Variants in NELL2 observed in about 807,000 individuals in gnomAD.
NELL2 encodes protein kinase C-binding protein NELL2.
A neutral mutation model predicts 109.6 loss-of-function variants in NELL2; 41 were observed. The ratio of observed to expected loss-of-function variants is 0.37; its 90% confidence interval spans 0.29 to 0.49. The LOEUF (loss-of-function observed/expected upper bound fraction) is 0.49. NELL2 is among the 20% of genes least tolerant of loss of function. The pLI is 0.98. For missense variants in NELL2, 900 were observed against 1,008.3 expected (o/e 0.89, Z 1.45); for synonymous variants, 355 against 344.7 (o/e 1.03, Z -0.33).
chr12:44,650,621 C>G (rs1470837251), intron 13 of NELL2, among the ~76,000 whole-genome samples: 2 of 152,042 alleles, frequency 1.3e-5, no homozygotes, highest in Non-Finnish European at 2.9e-5. Flanking sequence ...TGTTGAAGCC[C>G]TAACCCCAAT....
chr12:44,533,531 C>G (rs1023861122), intron 15 of NELL2, among the ~76,000 whole-genome samples: 1 of 152,112 alleles, frequency 6.6e-6, no homozygotes, highest in African/African-American at 2.4e-5. Context: ...GCCTGACATT[C>G]AGGTGTGTGC....
chr12:44,582,052 T>C (rs1296166630), intron 15 of NELL2, among the ~76,000 whole-genome samples: 3 of 152,180 alleles, frequency 2.0e-5, no homozygotes, highest in Non-Finnish European at 2.9e-5. Context: ...GCTAATTACT[T>C]CCTTTCATTT....
intron 13 of NELL2, among the ~76,000 whole-genome samples, chr12:44,642,525 A>G (rs977158859): frequency 2.6e-5 from 4 of 152,236 alleles, no homozygotes; most frequent in African/African-American, 9.6e-5. Flanking sequence ...ACCCAAAAAC[A>G]TAAGTTTTGG....
At chr12:44,739,792 G>A (rs1488169644) in intron 9 of NELL2, among the ~76,000 whole-genome samples, 1 of 152,120 alleles carries the variant, frequency 6.6e-6, no homozygotes, top group East Asian at 1.9e-4. Flanking sequence ...TCAGGAGACT[G>A]AGGCAGGAGA....
At chr12:44,713,174 G>T (rs1280327951) in intron 10 of NELL2, among the ~76,000 whole-genome samples, 1 of 96,140 alleles carries the variant, frequency 1.0e-5, no homozygotes, top group Non-Finnish European at 2.2e-5. Context: ...AAAATGAATA[G>T]GATACACACA....
chr12:44,913,938 G>T (rs193135057), upstream of NELL2: 15 of 384,756 alleles, frequency 3.9e-5, no homozygotes, highest in Non-Finnish European at 7.0e-5. Flanking sequence ...TGATTGCTCA[G>T]GCCAAAAACC....
intron 12 of NELL2, among the ~76,000 whole-genome samples, chr12:44,699,629 A>T (rs1949167133): frequency 6.6e-6 from 1 of 152,046 alleles, no homozygotes; most frequent in Non-Finnish European, 1.5e-5. Flanking sequence ...TTTCCCTTAG[A>T]CAATATTCAA....
chr12:44,637,513 C>A (rs1946686448), intron 13 of NELL2, among the ~76,000 whole-genome samples: 1 of 133,690 alleles, frequency 7.5e-6, no homozygotes, highest in South Asian at 2.8e-4. Flanking sequence ...ATTTTGTGAG[C>A]GAATAACAGG....
intron 15 of NELL2, among the ~76,000 whole-genome samples, chr12:44,537,192 A>G (rs559844154): frequency 1.1e-4 from 16 of 151,950 alleles, no homozygotes; most frequent in Non-Finnish European, 2.4e-4. Flanking sequence ...TTTTGCCAGC[A>G]GCATTTAAAG....
chr12:44,537,479 GT>G (rs998503066), intron 15 of NELL2, among the ~76,000 whole-genome samples: 2 of 151,990 alleles, frequency 1.3e-5, no homozygotes, highest in Non-Finnish European at 2.9e-5. Flanking sequence ...TGAGTCTACT[GT>G]TTTTAATGAC....
chr12:44,881,687 G>A (rs1329735167), intron 1 of NELL2: 2 of 151,866 alleles, frequency 1.3e-5, no homozygotes, highest in Non-Finnish European at 2.9e-5. Flanking sequence ...TTCCAAAAGG[G>A]GAGAAGAAAG....
At chr12:44,598,327 C>T (rs1945053405) in intron 15 of NELL2, among the ~76,000 whole-genome samples, 1 of 151,874 alleles carries the variant, frequency 6.6e-6, no homozygotes, top group Admixed American at 6.6e-5. Context: ...GATGAGAACC[C>T]TTTGGGAAGA....
At chr12:44,580,201 C>T (rs542470833) in intron 15 of NELL2, among the ~76,000 whole-genome samples, 1 of 152,206 alleles carries the variant, frequency 6.6e-6, no homozygotes, top group African/African-American at 2.4e-5. Context: ...CTGGTATAAC[C>T]TTCTTAACTG....
chr12:44,846,417 T>C (rs538078800), intron 2 of NELL2, among the ~76,000 whole-genome samples: 11 of 152,318 alleles, frequency 7.2e-5, no homozygotes, highest in South Asian at 2.1e-4. Context: ...TGTGGTCTAA[T>C]CATGTCAAAC....
rs144547893 is a variant in NELL2, at chr12:44,637,352, C to T, written c.1445-26382G>A. Reference sequence around the variant, plus strand: ...CAAAAACTATTTATTGACCACCTACCCTATATGAGGCACTATGCTACACGT... The same window carrying T: ...CAAAAACTATTTATTGACCACCTACTCTATATGAGGCACTATGCTACACGT... On this transcript the variant is annotated intron_variant, in intron 13 of 19. Coordinates refer to ENST00000429094, the MANE Select transcript of NELL2 (RefSeq NM_001145108.2). Among the ~76,000 whole-genome samples, 80 of 150,228 alleles carry T rather than the reference C, an allele frequency of 5.3e-4. 1 individual carries two copies. The highest frequency in any genetic ancestry group is 1.8e-3 in the African/African-American group (75 of 40,936).
At chr12:44,743,100 C>G (rs1359838771) in intron 9 of NELL2, among the ~76,000 whole-genome samples, 1 of 152,184 alleles carries the variant, frequency 6.6e-6, no homozygotes, top group East Asian at 1.9e-4. Context: ...AACAGCAGAT[C>G]TCTCGGCAGA....
At chr12:44,785,162 T>A (rs1179365744) in intron 3 of NELL2, among the ~76,000 whole-genome samples, 1 of 152,228 alleles carries the variant, frequency 6.6e-6, no homozygotes, top group African/African-American at 2.4e-5. Context: ...CTCCTTAAGC[T>A]GATAAGCATC....
chr12:44,908,192 T>G (rs1052144218), intron 1 of NELL2, among the ~76,000 whole-genome samples: 2 of 151,874 alleles, frequency 1.3e-5, no homozygotes, highest in Non-Finnish European at 2.9e-5. Flanking sequence ...ATCAATAATT[T>G]GAAGTGAGAC....
At chr12:44,831,227 T>C (rs1943878763) in intron 2 of NELL2, among the ~76,000 whole-genome samples, 1 of 152,100 alleles carries the variant, frequency 6.6e-6, no homozygotes, top group Admixed American at 6.5e-5. Context: ...CTCTATAATC[T>C]CTAGCGCTAA....
Sources: gnomAD v4.1 joint callset for allele counts (sites outside exome capture counted in the v4.1 genomes callset) on GRCh38, gnomAD v4.1.1 for gene constraint, MANE v1.5 for transcripts, NCBI Gene and HGNC (gene_info 2026-07-23, HGNC 2026-07-21) for gene names.